HCN1: variants seen among roughly 807,000 people sequenced by gnomAD.
HCN1 encodes the protein hyperpolarization activated cyclic nucleotide gated potassium channel 1.
A neutral mutation model predicts 78.9 loss-of-function variants in HCN1; 13 were observed. The observed-to-expected ratio is 0.16, with a 90% CI of 0.11 to 0.26. The LOEUF (loss-of-function observed/expected upper bound fraction) is 0.26, where lower values mean the gene tolerates loss of function less well. Among genes scored for constraint, HCN1 ranks in the 10% least tolerant of loss-of-function variants. The pLI is 1.00. For missense variants in HCN1, 810 were observed against 1,154.3 expected, an observed-to-expected ratio of 0.70 and a Z score of 4.32; for synonymous variants, 552 against 455.5, an observed-to-expected ratio of 1.21 and a Z score of -2.70.
intron 2 of HCN1, among the ~76,000 whole-genome samples, chr5:45,525,437 TG>T (rs1240800471): frequency 6.6e-6 from 1 of 150,846 alleles, no homozygotes; most frequent in Non-Finnish European, 1.5e-5. Context: ...AATTTAGACA[TG>T]GTTTAATATC....
chr5:45,426,550 T>C (rs926156826), intron 3 of HCN1, among the ~76,000 whole-genome samples: 9 of 152,322 alleles, frequency 5.9e-5, no homozygotes, highest in African/African-American at 2.2e-4. Flanking sequence ...ATACTTTCTC[T>C]TGCCTGCTGG....
At chr5:45,586,228 G>A (rs965877165) in intron 2 of HCN1, among the ~76,000 whole-genome samples, 3 of 152,100 alleles carry the variant, frequency 2.0e-5, no homozygotes, top group Admixed American at 1.3e-4. Flanking sequence ...GCAATGGCGG[G>A]CACCCATCCC....
intron 2 of HCN1, among the ~76,000 whole-genome samples, chr5:45,545,096 A>C (rs1342762638): frequency 5.9e-5 from 9 of 151,664 alleles, no homozygotes; most frequent in Admixed American, 3.3e-4. Flanking sequence ...TTCTCCACAT[A>C]CTCTCCAGCA....
At chr5:45,616,810 G>A (rs1040996957) in intron 2 of HCN1, among the ~76,000 whole-genome samples, 4 of 151,750 alleles carry the variant, frequency 2.6e-5, no homozygotes, top group Admixed American at 6.6e-5. Flanking sequence ...TTTTTCCTTC[G>A]ATTTTTTAAT....
intron 2 of HCN1, among the ~76,000 whole-genome samples, chr5:45,520,878 C>A (rs1034142932): frequency 6.6e-6 from 1 of 151,868 alleles, no homozygotes; most frequent in East Asian, 1.9e-4. Context: ...TGTACAATGT[C>A]CAGTAGTAGC....
chr5:45,297,713 C>A (rs72759959), intron 6 of HCN1, among the ~76,000 whole-genome samples: 1 of 151,884 alleles, frequency 6.6e-6, no homozygotes, highest in African/African-American at 2.4e-5. Context: ...AAAATCATGA[C>A]CAAAATATTA....
chr5:45,500,642 A>G (rs1413820581), intron 2 of HCN1, among the ~76,000 whole-genome samples: 1 of 152,168 alleles, frequency 6.6e-6, no homozygotes, highest in Non-Finnish European at 1.5e-5. Context: ...TTCTGCAATA[A>G]TTTATCTCAT....
At chr5:45,537,742 C>T (rs1269450664) in intron 2 of HCN1, among the ~76,000 whole-genome samples, 1 of 151,572 alleles carries the variant, frequency 6.6e-6, no homozygotes. Context: ...CTGTTACCTT[C>T]CTATCTTCTT....
intron 2 of HCN1, among the ~76,000 whole-genome samples, chr5:45,565,685 G>T (rs1395625229): frequency 1.3e-5 from 2 of 151,966 alleles, no homozygotes; most frequent in Non-Finnish European, 2.9e-5. Flanking sequence ...ATAGCTGGGT[G>T]TGGTGTCACA....
chr5:45,690,804 C>A lies in HCN1; in HGVS notation c.425+4865G>T, dbSNP rs374361353. 6.6e-5 allele frequency among the ~76,000 whole-genome samples: 10 copies of A among 152,144 alleles called. No individual in the cohort carries two copies. The East Asian group carries it at 1.9e-3, about 29-fold the overall frequency. On this transcript the variant is annotated intron_variant, in intron 1 of 7. Coordinates refer to ENST00000303230, the MANE Select transcript of HCN1 (RefSeq NM_021072.4). ...AAATGAAAATTTGTCACAGACCCTG[C>A]AAATGCTCAGTACTCTTCATGTAGT...
intron 2 of HCN1, among the ~76,000 whole-genome samples, chr5:45,545,476 C>G (rs530450614): frequency 6.6e-6 from 1 of 152,240 alleles, no homozygotes; most frequent in South Asian, 2.1e-4. Context: ...TCAATTTTGG[C>G]TTTTGTTGCC....
At chr5:45,664,351 A>C (rs1745988242) in intron 1 of HCN1, among the ~76,000 whole-genome samples, 2 of 145,052 alleles carry the variant, frequency 1.4e-5, no homozygotes, top group Admixed American at 1.4e-4. Flanking sequence ...AGATATACCT[A>C]ATGCTAGATG....
At chr5:45,323,244 G>T (rs1001503597) in intron 5 of HCN1, among the ~76,000 whole-genome samples, 1 of 151,840 alleles carries the variant, frequency 6.6e-6, no homozygotes, top group African/African-American at 2.4e-5. Context: ...ATAAAAAAAT[G>T]AATATAAACT....
intron 1 of HCN1, among the ~76,000 whole-genome samples, chr5:45,690,462 T>G (rs558442201): frequency 6.6e-6 from 1 of 152,184 alleles, no homozygotes; most frequent in African/African-American, 2.4e-5. Context: ...ATATATATTC[T>G]TCTACAAAGT....
intron 3 of HCN1, among the ~76,000 whole-genome samples, chr5:45,401,387 G>T (rs1037257618): frequency 6.6e-6 from 1 of 151,618 alleles, no homozygotes; most frequent in Non-Finnish European, 1.5e-5. Context: ...TTGAAGACTG[G>T]GTATCACCCC....
chr5:45,567,943 C>CAT (rs1477850018), intron 2 of HCN1, among the ~76,000 whole-genome samples: 1 of 143,288 alleles, frequency 7.0e-6, no homozygotes, highest in African/African-American at 2.5e-5. Flanking sequence ...CACACACACA[C>CAT]ACATATACAC....
intron 3 of HCN1, among the ~76,000 whole-genome samples, chr5:45,426,415 A>T (rs1343160308): frequency 6.6e-6 from 1 of 152,150 alleles, no homozygotes; most frequent in East Asian, 1.9e-4. Flanking sequence ...TAGTCCCCAC[A>T]TGTCATGGGA....
intron 5 of HCN1, among the ~76,000 whole-genome samples, chr5:45,349,551 CA>C (rs1229124056): frequency 6.6e-6 from 1 of 151,936 alleles, no homozygotes; most frequent in African/African-American, 2.4e-5. Context: ...AATAGAGACA[CA>C]AAAAACCCTT....
At chr5:45,656,649 G>T (rs918416191) in intron 1 of HCN1, among the ~76,000 whole-genome samples, 1 of 152,132 alleles carries the variant, frequency 6.6e-6, no homozygotes, top group Non-Finnish European at 1.5e-5. Flanking sequence ...TATCCCAAGA[G>T]TTTGCTCCTA....
Sources: gnomAD v4.1 joint callset for allele counts (sites outside exome capture counted in the v4.1 genomes callset) on GRCh38, gnomAD v4.1.1 for gene constraint, MANE v1.5 for transcripts, NCBI Gene and HGNC (gene_info 2026-07-23, HGNC 2026-07-21) for gene names.